Variants in KIAA1191 observed in about 807,000 individuals in gnomAD.
The protein encoded by KIAA1191 is putative monooxygenase p33MONOX.
A neutral mutation model predicts 31.1 loss-of-function variants in KIAA1191; 22 were observed. The ratio of observed to expected loss-of-function variants is 0.71; its 90% confidence interval spans 0.51 to 1.01. The LOEUF (loss-of-function observed/expected upper bound fraction) is 1.01, where lower values mean the gene tolerates loss of function less well. Ranked by LOEUF, KIAA1191 falls within the 50% of genes least tolerant of loss-of-function variation. The probability of loss-of-function intolerance (pLI) is 0.00; values close to 1 mark genes in which losing one functional copy is unlikely to be tolerated. For missense variants in KIAA1191, 319 were observed against 388.0 expected (o/e 0.82, Z 1.49); for synonymous variants, 130 against 143.9 (o/e 0.90, Z 0.69).
intron 4 of KIAA1191, chr5:176,353,568 A>G (rs975811187): frequency 1.3e-5 from 2 of 152,274 alleles, no homozygotes; most frequent in African/African-American, 4.8e-5. Context: ...AACAGAATTT[A>G]TACCTTTAAG....
At position 176,347,963 on chromosome 5, in the gene KIAA1191, A is replaced by T. The variant is rs1268933727; in HGVS notation, c.667T>A (p.Trp223Arg). 6.2e-7 allele frequency: 1 copy of T among 1,614,034 alleles called. No homozygotes were observed. The highest frequency in any genetic ancestry group is 8.5e-7 in the Non-Finnish European group (1 of 1,180,020). Residue 223 changes from tryptophan (W) to arginine (R), a missense_variant, in exon 8 of 9, where the codon TGG becomes AGG. By Grantham distance (101) the Trp-to-Arg change is moderately radical. Coordinates refer to ENST00000298569, the MANE Select transcript of KIAA1191 (RefSeq NM_020444.5). Reference sequence around the variant, plus strand: ...AGGGATCTCGGTCCAAAGAGGCTCCACTTATCTGACAAGTTTCTGTCCTTA... The same window carrying T: ...AGGGATCTCGGTCCAAAGAGGCTCCTCTTATCTGACAAGTTTCTGTCCTTA... ...GDKDRNLSDK[W>R]SLFGPRSLQK... is the part of the protein sequence containing the mutation.
chr5:176,357,824 C>G (rs9686420), intron 3 of KIAA1191, among the ~76,000 whole-genome samples: 1 of 152,144 alleles, frequency 6.6e-6, no homozygotes, highest in African/African-American at 2.4e-5. Context: ...TCAAAAACAT[C>G]TTAAAGACTC....
rs1766564431 is a variant in KIAA1191 at position 176,347,057 on chromosome 5, T to A, written c.*543A>T. The A allele has an allele frequency of 6.6e-6, 1 of 152,210 alleles. No individual in the cohort carries two copies. Among genetic ancestry groups the A allele is most frequent in the Admixed American group, 6.5e-5 (1 of 15,274 alleles). 9.4% of individuals were successfully genotyped at this position (152,210 alleles called of 1,614,324 possible). A position where few individuals can be genotyped will look rare whatever the true frequency, so the allele number is the denominator to read the frequency against. On this transcript the variant is annotated 3_prime_UTR_variant, in exon 9 of 9. Transcript: ENST00000298569. ...AAAAAAATAGGTAATGAGGTCCCCA[T>A]ACACCCGTGCTGAGAATATTAGTCT...
At position 176,355,896 on chromosome 5, in the gene KIAA1191, G is replaced by A. The variant is rs530985877; in HGVS notation, c.29-147C>T. On this transcript the variant is annotated intron_variant, in intron 3 of 8. Transcript: ENST00000298569. The surrounding 1 kb of genome is among the most constrained non-coding windows in gnomAD (Gnocchi z 4.2). Reference sequence around the variant, plus strand: ...TTTTGGAGTAGCTAATCCCATCCAGGAAAGGCAGTGGTACCAATCCCTTCC... The same window carrying A: ...TTTTGGAGTAGCTAATCCCATCCAGAAAAGGCAGTGGTACCAATCCCTTCC... 2 of 761,764 alleles carry A rather than the reference G, an allele frequency of 2.6e-6. No homozygotes were observed. The highest frequency in any genetic ancestry group is 3.1e-5 in the South Asian group (2 of 65,530). 47.2% of individuals were successfully genotyped at this position (761,764 alleles called of 1,614,324 possible). A position where few individuals can be genotyped will look rare whatever the true frequency, so the allele number is the denominator to read the frequency against.
At position 176,347,917 on chromosome 5, in the gene KIAA1191, T is replaced by G. The variant is rs1428379781; in HGVS notation, c.709+4A>C. The G allele has an allele frequency of 1.2e-6, 2 of 1,613,992 alleles. No individual in the cohort carries two copies. Among genetic ancestry groups the G allele is most frequent in the Non-Finnish European group, 1.7e-6 (2 of 1,180,012 alleles). ...TGCTCTCTTTTTTGAAGGTGCTGCC[T>G]TACCAGAATCGTACTTCTGAAGGGA... is the stretch of plus-strand genomic sequence containing the variant. On this transcript the variant is annotated splice_donor_region_variant and intron_variant, in intron 8 of 8. Transcript: ENST00000298569.
Position 176,357,492 on chromosome 5 carries a change from C to T in KIAA1191, c.29-1743G>A, listed in dbSNP as rs370512825. Among the ~76,000 whole-genome samples the T allele has an allele frequency of 3.6e-3, 549 of 152,282 alleles. 2 individuals carry two copies. The highest frequency in any genetic ancestry group is 0.015 in the South Asian group (73 of 4,828). ...AGTCTTCCTCCTTGCTAGACAATTACATCCCTCATCTTATCTAATCCTCAT... is the reference window on the plus strand; with the variant it reads ...AGTCTTCCTCCTTGCTAGACAATTATATCCCTCATCTTATCTAATCCTCAT... On this transcript the variant is annotated intron_variant, in intron 3 of 8. Transcript: ENST00000298569.
At position 176,347,440 on chromosome 5, in the gene KIAA1191, A is replaced by T; in HGVS notation, c.*160T>A. On this transcript the variant is annotated 3_prime_UTR_variant, in exon 9 of 9. Coordinates refer to ENST00000298569, the MANE Select transcript of KIAA1191 (RefSeq NM_020444.5). ...TGGTCTTGAACTCCTGACCTCAGGT[A>T]TCCACCTACCTTGGCCTCCCAAAGT... 2.2e-6 allele frequency: 1 copy of T among 461,938 alleles called. No individual in the cohort carries two copies. The highest frequency in any genetic ancestry group is 3.7e-6 in the Non-Finnish European group (1 of 271,232). 28.6% of individuals were successfully genotyped at this position (461,938 alleles called of 1,614,324 possible).
Position 176,359,839 on chromosome 5 carries a change from G to T in KIAA1191, c.-88C>A. 4.2e-6 allele frequency: 1 copy of T among 237,862 alleles called. No homozygotes were observed. The highest frequency in any genetic ancestry group is 7.1e-5 in the South Asian group (1 of 14,064). 14.7% of individuals were successfully genotyped at this position (237,862 alleles called of 1,614,324 possible). A position where few individuals can be genotyped will look rare whatever the true frequency, so the allele number is the denominator to read the frequency against. The stretch of plus-strand genomic sequence containing the variant: ...AGTGAAATGATGTGATGACTAAGCG[G>T]ACAGACAGATGTTAATGAGGAACAT... On this transcript the variant is annotated 5_prime_UTR_variant, in exon 2 of 9. Transcript: ENST00000298569.
intron 6 of KIAA1191, 88 bp downstream of exon 6, chr5:176,350,521 CAACT>C: frequency 1.3e-5 from 19 of 1,496,248 alleles, no homozygotes; most frequent in Non-Finnish European, 1.6e-5. Flanking sequence ...CCACAGCCCC[CAACT>C]AACTGAGCTG....
chr5:176,346,655 G>A lies in KIAA1191; in HGVS notation c.*945C>T, dbSNP rs1385198126. On this transcript the variant is annotated 3_prime_UTR_variant, in exon 9 of 9. Coordinates refer to ENST00000298569, the MANE Select transcript of KIAA1191 (RefSeq NM_020444.5). ...TGTTTGTTCTGTGGCATAGAAAGAG[G>A]AGCATGCCTCCTCCGGCACTGGCCT... The A allele has an allele frequency of 5.9e-5, 9 of 152,260 alleles. No homozygotes were observed. The highest frequency in any genetic ancestry group is 2.9e-5 in the Non-Finnish European group (2 of 68,038). The allele number at this position is 152,260 out of a possible 1,614,324, so 9.4% of individuals were successfully genotyped here.
chr5:176,351,499 C>A (rs1164290989), intron 5 of KIAA1191, among the ~76,000 whole-genome samples: 1 of 152,044 alleles, frequency 6.6e-6, no homozygotes, highest in African/African-American at 2.4e-5. Context: ...ATGGCTCACA[C>A]CTGTAATCCC....
intron 6 of KIAA1191, among the ~76,000 whole-genome samples, chr5:176,350,096 G>C (rs1478509677): frequency 6.6e-6 from 1 of 152,124 alleles, no homozygotes; most frequent in Admixed American, 6.5e-5. Flanking sequence ...TGTCCCAAAA[G>C]GTGATTGTGA....
chr5:176,354,978 G>A (rs146183624), intron 4 of KIAA1191, among the ~76,000 whole-genome samples: 1 of 152,168 alleles, frequency 6.6e-6, no homozygotes, highest in Non-Finnish European at 1.5e-5. Flanking sequence ...GAGAAAAGGT[G>A]AGAGGACAGG....
chr5:176,350,183 T>C (rs1766862798), intron 6 of KIAA1191, among the ~76,000 whole-genome samples: 1 of 152,212 alleles, frequency 6.6e-6, no homozygotes, highest in Non-Finnish European at 1.5e-5. Context: ...AAGAAAGTCA[T>C]TTGAAACTAT....
intron 3 of KIAA1191, among the ~76,000 whole-genome samples, chr5:176,357,690 G>A (rs913731199): frequency 2.3e-4 from 35 of 152,104 alleles, no homozygotes; most frequent in African/African-American, 4.1e-4. Flanking sequence ...CCTATGGCTC[G>A]CGACGGCTAC....
At chr5:176,354,523 T>C (rs991613986) in intron 4 of KIAA1191, 2 of 152,228 alleles carry the variant, frequency 1.3e-5, no homozygotes, top group Admixed American at 1.3e-4. Flanking sequence ...GCTCCAATAA[T>C]GCGAACCTAC....
intron 3 of KIAA1191, among the ~76,000 whole-genome samples, chr5:176,358,609 G>C (rs1273160429): frequency 6.6e-6 from 1 of 152,092 alleles, no homozygotes; most frequent in Non-Finnish European, 1.5e-5. Flanking sequence ...CCAGCTACTC[G>C]AGGCTGAGGC....
chr5:176,359,604 C>CA, intron 2 of KIAA1191, 37 bp from the exon 3 acceptor site: 1 of 956,782 alleles, frequency 1.0e-6, no homozygotes, highest in Non-Finnish European at 1.7e-6. Flanking sequence ...TTATGGTGAG[C>CA]AGCACCAATG....
chr5:176,348,255 C>T lies in KIAA1191; in HGVS notation c.561G>A (p.Arg187=). 4 of 1,613,546 alleles carry T rather than the reference C, an allele frequency of 2.5e-6. No homozygotes were observed. The highest frequency in any genetic ancestry group is 3.4e-6 in the Non-Finnish European group (4 of 1,179,804). Reference sequence around the variant, plus strand: ...GGGTCACAGGAAGGGCTCACCTGGGCCTCTGCTTAGGTGAAGAGTGCGGAG... The same window carrying T: ...GGGTCACAGGAAGGGCTCACCTGGGTCTCTGCTTAGGTGAAGAGTGCGGAG... ...STTPHSSPKQ[R]PRGWFTSGSS... Residue 187 remains arginine (R), a synonymous_variant, in exon 7 of 9, where the codon AGG becomes AGA. Coordinates refer to ENST00000298569, the MANE Select transcript of KIAA1191 (RefSeq NM_020444.5).
Sources: gnomAD v4.1 joint callset for allele counts (sites outside exome capture counted in the v4.1 genomes callset) on GRCh38, gnomAD v4.1.1 for gene constraint, Gnocchi (gnomAD v3.1) non-coding constraint, MANE v1.5 for transcripts, NCBI Gene and HGNC (gene_info 2026-07-23, HGNC 2026-07-21) for gene names.